The following XPC variants were observed in gnomAD, a reference collection of about 807,000 sequenced individuals.
The protein encoded by XPC is XPC complex subunit, DNA damage recognition and repair factor.
A neutral mutation model predicts 95.8 loss-of-function variants in XPC; 76 were observed. The ratio of observed to expected loss-of-function variants is 0.79; its 90% confidence interval spans 0.66 to 0.96. The LOEUF is 0.96. XPC is among the 40% of genes least tolerant of loss of function. The pLI is 0.00. For synonymous variants in XPC, 442 were observed against 442.1 expected (o/e 1.00, Z 0.00); for missense variants, 1,146 against 1,179.8 (o/e 0.97, Z 0.42).
chr3:14,161,528 A>G, intron 7 of XPC, among the ~76,000 whole-genome samples: 1 of 149,116 alleles, frequency 6.7e-6, no homozygotes, highest in African/African-American at 2.6e-5. Flanking sequence ...AAAATCAATC[A>G]ATTAAATATA....
chr3:14,151,108 A>G (rs931073887), intron 11 of XPC, among the ~76,000 whole-genome samples: 4 of 152,088 alleles, frequency 2.6e-5, no homozygotes, highest in Non-Finnish European at 5.9e-5. Context: ...GGTGAATTTG[A>G]GAGATTTGGG....
At chr3:14,156,541 G>A in intron 9 of XPC, 46 bp from the exon 10 acceptor site, 1 of 1,612,542 alleles carries the variant, frequency 6.2e-7, no homozygotes. Flanking sequence ...TTTAGAAGAG[G>A]AAATGAAGTT....
chr3:14,172,908 C>A lies in XPC; in HGVS notation c.258G>T (p.Lys86Asn), dbSNP rs1349999355. ...CGCTGAGGGCTTCATCCTTTATAAC[C>A]TTGAGGTTTTCAGATTTAACAGTCA... The part of the protein sequence containing the change: ...AKVTVKSENL[K>N]VIKDEALSDG... The change falls in exon 2 of 16, where the codon AAG (lysine) becomes AAT (asparagine). Residue 86 changes from lysine (K) to asparagine (N), a missense_variant. Coordinates refer to ENST00000285021, the MANE Select transcript of XPC (RefSeq NM_004628.5). The A allele has an allele frequency of 1.2e-6, 2 of 1,614,010 alleles. No individual in the cohort carries two copies. The highest frequency in any genetic ancestry group is 2.2e-5 in the South Asian group (2 of 91,082).
intron 2 of XPC, among the ~76,000 whole-genome samples, chr3:14,171,673 T>C (rs1696618522): frequency 1.3e-5 from 2 of 152,164 alleles, no homozygotes; most frequent in African/African-American, 2.4e-5. Flanking sequence ...CTGTTTCTAC[T>C]AAAAATACAA....
At chr3:14,155,848 G>A (rs796985163) in intron 10 of XPC, among the ~76,000 whole-genome samples, 4 of 152,096 alleles carry the variant, frequency 2.6e-5, no homozygotes, top group Non-Finnish European at 5.9e-5. Context: ...GTGAGCCACC[G>A]CGCCCGGCCC....
chr3:14,148,768 G>T lies in XPC; in HGVS notation c.2251-37C>A, dbSNP rs2470353. Reference sequence around the variant, plus strand: ...GAGCAAGTCAGCATTTGGCCAGCAGGGGAACAAGGCGGCCTGGTCCTGAGC... The same window carrying T: ...GAGCAAGTCAGCATTTGGCCAGCAGTGGAACAAGGCGGCCTGGTCCTGAGC... On this transcript the variant is annotated intron_variant, in intron 12 of 15. Transcript: ENST00000285021. 8.7e-5 allele frequency: 141 copies of T among 1,613,006 alleles called. No homozygotes were observed. The Middle Eastern group carries it at 1.3e-3, about 15-fold the overall frequency.
intron 4 of XPC, 27 bp downstream of exon 4, chr3:14,168,230 A>C (rs762005592): frequency 6.3e-6 from 10 of 1,588,704 alleles, no homozygotes; most frequent in Non-Finnish European, 8.5e-6. Context: ...ATGTGACAGG[A>C]GCCTAGAAGC....
intron 6 of XPC, 33 bp downstream of exon 6, chr3:14,165,395 C>A: frequency 1.3e-6 from 2 of 1,554,476 alleles, no homozygotes; most frequent in Non-Finnish European, 1.7e-6. Context: ...ATCCTACACT[C>A]CCCAGCTCTG....
intron 2 of XPC, among the ~76,000 whole-genome samples, chr3:14,172,532 G>T (rs1007150701): frequency 6.6e-6 from 1 of 152,188 alleles, no homozygotes; most frequent in African/African-American, 2.4e-5. Flanking sequence ...GAGGACAGTA[G>T]TATGAGATAA....
intron 2 of XPC, 132 bp downstream of exon 2, chr3:14,172,735 T>A: frequency 1.9e-6 from 2 of 1,050,234 alleles, no homozygotes; most frequent in Non-Finnish European, 2.7e-6. Context: ...CCGGTCTGAG[T>A]TGTACCTAGA....
In XPC at chr3:14,145,153, T is replaced by A. The variant is rs906041596; in HGVS notation, c.*788A>T. 5.9e-6 allele frequency: 3 copies of A among 508,546 alleles called. No individual in the cohort carries two copies. The highest frequency in any genetic ancestry group is 1.0e-5 in the Non-Finnish European group (3 of 288,064). 31.5% of individuals were successfully genotyped at this position (508,546 alleles called of 1,614,324 possible). On this transcript the variant is annotated 3_prime_UTR_variant, in exon 16 of 16. Transcript: ENST00000285021. ...GAAAATATAGAGCCAAATCTTTAGATAAATGCTTTATTATTTTCTCAAAAT... is the reference window on the plus strand; with the variant it reads ...GAAAATATAGAGCCAAATCTTTAGAAAAATGCTTTATTATTTTCTCAAAAT...
intron 2 of XPC, 151 bp downstream of exon 2, chr3:14,172,716 C>T: frequency 2.3e-6 from 2 of 853,128 alleles, no homozygotes; most frequent in South Asian, 2.5e-5. Flanking sequence ...GAAAAGTTTC[C>T]AGCTCTTACC....
chr3:14,146,793 G>T (rs746560605), intron 15 of XPC, among the ~76,000 whole-genome samples: 3 of 152,204 alleles, frequency 2.0e-5, no homozygotes, highest in Admixed American at 6.5e-5. Flanking sequence ...ACTATACCAT[G>T]TAACTGGGCC....
At chr3:14,172,779 G>A (rs1696662128) in intron 2 of XPC, 88 bp downstream of exon 2, 5 of 1,415,474 alleles carry the variant, frequency 3.5e-6, no homozygotes, top group Non-Finnish European at 4.8e-6. Context: ...ATGGACCCCA[G>A]TGACAAGTAA....
intron 15 of XPC, 124 bp from the exon 16 acceptor site, chr3:14,146,283 CATGGG>C (rs1485414355): frequency 1.1e-6 from 1 of 896,044 alleles, no homozygotes; most frequent in African/African-American, 1.6e-5. Context: ...AGGACAAGGG[CATGGG>C]ACAGGGCAGG....
At chr3:14,157,947 C>A in intron 9 of XPC, 64 bp downstream of exon 9, 1 of 1,528,206 alleles carries the variant, frequency 6.5e-7, no homozygotes, top group South Asian at 1.3e-5. Flanking sequence ...ATAAGGTGCT[C>A]AAAAACAGGA....
intron 10 of XPC, among the ~76,000 whole-genome samples, chr3:14,154,965 G>A (rs534544441): frequency 1.6e-4 from 24 of 152,048 alleles, no homozygotes; most frequent in Non-Finnish European, 2.8e-4. Context: ...TCTGGACGAC[G>A]CCTGCATTCT....
Position 14,158,176 on chromosome 3 carries a change from C to T in XPC, c.1707G>A (p.Val569=), listed in dbSNP as rs1695998841. ...CCCAGCCGTCACTGTCAATGCCCACCACATAGGTCATGGGCTTGGTGGCGT... is the reference window on the plus strand; with the variant it reads ...CCCAGCCGTCACTGTCAATGCCCACTACATAGGTCATGGGCTTGGTGGCGT... ...YKYATKPMTY[V]VGIDSDGWVR... Residue 569 remains valine, a synonymous_variant, in exon 9 of 16, where the codon GTG becomes GTA. Transcript: ENST00000285021. The surrounding 1 kb of genome is among the most constrained non-coding windows in gnomAD (Gnocchi z 5.2). 4 of 1,613,930 alleles carry T rather than the reference C, an allele frequency of 2.5e-6. No homozygotes were observed. In the East Asian group the frequency reaches 8.9e-5, roughly 36 times the overall value.
In XPC at chr3:14,170,565, C is replaced by A; in HGVS notation, c.300-15G>T. 1 of 1,575,378 alleles carries A rather than the reference C, an allele frequency of 6.3e-7. No homozygotes were observed. The highest frequency in any genetic ancestry group is 1.2e-5 in the South Asian group (1 of 85,914). On this transcript the variant is annotated splice_polypyrimidine_tract_variant and intron_variant, in intron 2 of 15. Transcript: ENST00000285021. ...TTGGAAAGTCCCTGTGTAAAGACCACAGGAAGGAAGATGAAGAAGACTCAG... is the reference window on the plus strand; with the variant it reads ...TTGGAAAGTCCCTGTGTAAAGACCAAAGGAAGGAAGATGAAGAAGACTCAG...
Sources: allele counts gnomAD v4.1 joint callset (sites outside exome capture counted in the v4.1 genomes callset), GRCh38; gene constraint gnomAD v4.1.1; non-coding constraint Gnocchi (gnomAD v3.1); transcripts MANE v1.5; gene names NCBI Gene and HGNC (gene_info 2026-07-23, HGNC 2026-07-21).